The following CCSER1 variants were observed in gnomAD, a reference collection of about 807,000 sequenced individuals.
CCSER1 encodes the protein serine-rich coiled-coil domain-containing protein 1.
A neutral mutation model predicts 82.0 loss-of-function variants in CCSER1; 41 were observed. That is an observed-to-expected ratio of 0.50 (90% CI 0.39 to 0.65). The LOEUF (loss-of-function observed/expected upper bound fraction) is 0.65. Among genes scored for constraint, CCSER1 ranks in the 30% least tolerant of loss-of-function variants. The pLI, the probability that CCSER1 is intolerant of heterozygous loss-of-function variation, is 0.00. For synonymous variants in CCSER1, 414 were observed against 383.9 expected (o/e 1.08, Z -0.92); for missense variants, 1,119 against 1,064.2 (o/e 1.05, Z -0.72).
chr4:91,517,745 C>CGTGTGT lies in CCSER1; in HGVS notation c.2218-80792_2218-80787dup, dbSNP rs71579530. ...TACGCTGGTTCTTTCAGTTCTTTCTCGTGTGTGTGTGTGTGTGTGTGTGTG... is the reference window on the plus strand; with the variant it reads ...TACGCTGGTTCTTTCAGTTCTTTCTCGTGTGTGTGTGTGTGTGTGTGTGTGTGTGTG... On this transcript the variant is annotated intron_variant, in intron 10 of 10. Coordinates refer to ENST00000509176, the MANE Select transcript of CCSER1 (RefSeq NM_001145065.2). 3.7e-3 allele frequency among the ~76,000 whole-genome samples: 449 copies of CGTGTGT among 121,150 alleles called. 3 individuals carry two copies. Among genetic ancestry groups the CGTGTGT allele is most frequent in the Admixed American group, 6.2e-3 (76 of 12,318 alleles). 79.5% of individuals were successfully genotyped at this position (121,150 alleles called of 152,430 possible).
rs1389511422 is a variant in CCSER1, at chr4:90,402,445, T to C, written c.1603+2316T>C. ...CTTTTTATAGAGATAAATGTGGTGG[T>C]ACCAATATCGTATATAGGCTTTGCT... On this transcript the variant is annotated intron_variant, in intron 4 of 10. Coordinates refer to ENST00000509176, the MANE Select transcript of CCSER1 (RefSeq NM_001145065.2). Among the ~76,000 whole-genome samples, 14 of 152,330 alleles carry C rather than the reference T, an allele frequency of 9.2e-5. No individual in the cohort carries two copies. The East Asian group carries it at 2.3e-3, about 25-fold the overall frequency.
chr4:91,568,478 G>GTAGA (rs1763003750), intron 10 of CCSER1, among the ~76,000 whole-genome samples: 1 of 152,032 alleles, frequency 6.6e-6, no homozygotes, highest in Non-Finnish European at 1.5e-5. Flanking sequence ...TCCTTTCTGG[G>GTAGA]AAGCCAGTGA....
intron 8 of CCSER1, among the ~76,000 whole-genome samples, chr4:90,860,131 TA>T (rs1224508084): frequency 6.6e-6 from 1 of 151,664 alleles, no homozygotes; most frequent in East Asian, 1.9e-4. Context: ...CCAGAATACA[TA>T]AAAAATTTGT....
chr4:90,533,010 G>T (rs1037936995), intron 5 of CCSER1, among the ~76,000 whole-genome samples: 2 of 151,574 alleles, frequency 1.3e-5, no homozygotes, highest in South Asian at 2.1e-4. Context: ...CAGGGTTGAG[G>T]GTCTCCTATT....
chr4:91,174,822 CTT>C (rs61059675), intron 10 of CCSER1, among the ~76,000 whole-genome samples: 76,348 of 146,470 alleles, frequency 0.52, 19,845 homozygotes, highest in East Asian at 0.69. Flanking sequence ...TTTTTCTTTT[CTT>C]TTTTTTTTTT....
intron 9 of CCSER1, among the ~76,000 whole-genome samples, chr4:91,073,254 A>G (rs1356667026): frequency 6.6e-6 from 1 of 152,120 alleles, no homozygotes; most frequent in Non-Finnish European, 1.5e-5. Context: ...ATTTTCAAAC[A>G]TGTGCTTTAG....
Position 91,599,111 on chromosome 4 carries a change from G to C in CCSER1, c.*54G>C, listed in dbSNP as rs1420687277. ...AGGATAAAGATGGTTAGTGTTTCTC[G>C]TGCATAGTTCATATTAAAATTGTCA... On this transcript the variant is annotated 3_prime_UTR_variant, in exon 11 of 11. Coordinates refer to ENST00000509176, the MANE Select transcript of CCSER1 (RefSeq NM_001145065.2). 2.8e-6 allele frequency: 4 copies of C among 1,448,546 alleles called. No individual in the cohort carries two copies. Among genetic ancestry groups the C allele is most frequent in the East Asian group, 2.5e-5 (1 of 39,994 alleles). 89.7% of individuals were successfully genotyped at this position (1,448,546 alleles called of 1,614,324 possible).
Position 91,269,914 on chromosome 4 carries a change from A to G in CCSER1, c.2217+183920A>G, listed in dbSNP as rs1446770059. On this transcript the variant is annotated intron_variant, in intron 10 of 10. Coordinates refer to ENST00000509176, the MANE Select transcript of CCSER1 (RefSeq NM_001145065.2). ...CTGCAATTCTGAGATCCAAAACACAAATAAGCAAACCAAATCCCCTGATAA... is the reference window on the plus strand; with the variant it reads ...CTGCAATTCTGAGATCCAAAACACAGATAAGCAAACCAAATCCCCTGATAA... 2.0e-5 allele frequency among the ~76,000 whole-genome samples: 3 copies of G among 152,178 alleles called. No individual in the cohort carries two copies. In the East Asian group the frequency reaches 5.8e-4, roughly 29 times the overall value.
intron 4 of CCSER1, among the ~76,000 whole-genome samples, chr4:90,447,132 A>G (rs1005747534): frequency 6.6e-6 from 1 of 152,202 alleles, no homozygotes; most frequent in African/African-American, 2.4e-5. Flanking sequence ...CACGTTGTCC[A>G]AGAGTTAACA....
chr4:91,497,173 C>T (rs1396601998), intron 10 of CCSER1, among the ~76,000 whole-genome samples: 1 of 151,356 alleles, frequency 6.6e-6, no homozygotes, highest in African/African-American at 2.4e-5. Context: ...TTCTTAACCC[C>T]TTTGAGGCCT....
chr4:91,327,581 G>A (rs927043763), intron 10 of CCSER1, among the ~76,000 whole-genome samples: 13 of 152,180 alleles, frequency 8.5e-5, no homozygotes, highest in Admixed American at 2.0e-4. Flanking sequence ...CATTGTCTTG[G>A]CTTTTAACAT....
At position 90,140,320 on chromosome 4, in the gene CCSER1, T is replaced by A. The variant is rs897119806; in HGVS notation, c.-42+12489T>A. Among the ~76,000 whole-genome samples the A allele has an allele frequency of 2.0e-5, 3 of 152,286 alleles. No homozygotes were observed. In the East Asian group the frequency reaches 5.8e-4, roughly 29 times the overall value. On this transcript the variant is annotated intron_variant, in intron 1 of 10. Transcript: ENST00000509176. ...CTGAATCATTTGTGTTGTGTAAATA[T>A]AGCCCTAGGAATCCTCAGTACTCAC...
intron 10 of CCSER1, among the ~76,000 whole-genome samples, chr4:91,396,728 C>A (rs555643794): frequency 6.6e-6 from 1 of 151,898 alleles, no homozygotes; most frequent in Non-Finnish European, 1.5e-5. Flanking sequence ...TTTTCAAGTG[C>A]GCCAAGGGAA....
At position 90,823,559 on chromosome 4, in the gene CCSER1, G is replaced by A. The variant is rs554798869; in HGVS notation, c.2094+7714G>A. On this transcript the variant is annotated intron_variant, in intron 8 of 10. Transcript: ENST00000509176. ...GTAAAGACAAAGACATGGAACTTGA[G>A]ATACTTAAATTATATCAGTTAATAG... Among the ~76,000 whole-genome samples the A allele has an allele frequency of 2.6e-5, 4 of 152,128 alleles. No individual in the cohort carries two copies. The South Asian group carries it at 8.3e-4, about 32-fold the overall frequency.
Position 90,883,933 on chromosome 4 carries a change from T to C in CCSER1, c.2095-39437T>C, listed in dbSNP as rs184659583. On this transcript the variant is annotated intron_variant, in intron 8 of 10. Transcript: ENST00000509176. Reference sequence around the variant, plus strand: ...GTTGAAGAGCTAAAATCATCAGAGATTGGTGACTAATTAGAGAGGGATGCA... The same window carrying C: ...GTTGAAGAGCTAAAATCATCAGAGACTGGTGACTAATTAGAGAGGGATGCA... Among the ~76,000 whole-genome samples, 6 of 152,186 alleles carry C rather than the reference T, an allele frequency of 3.9e-5. No homozygotes were observed. The East Asian group carries it at 9.7e-4, about 25-fold the overall frequency.
At chr4:91,173,279 A>T (rs987931224) in intron 10 of CCSER1, among the ~76,000 whole-genome samples, 5 of 152,136 alleles carry the variant, frequency 3.3e-5, no homozygotes, top group African/African-American at 1.2e-4. Flanking sequence ...GTAAAGGAAA[A>T]ATTCAGAAAG....
intron 3 of CCSER1, among the ~76,000 whole-genome samples, chr4:90,341,153 AT>A (rs1374475980): frequency 6.6e-6 from 1 of 152,108 alleles, no homozygotes; most frequent in Non-Finnish European, 1.5e-5. Flanking sequence ...AAATCACTCC[AT>A]TTAGAAGATC....
Position 91,033,585 on chromosome 4 carries a change from C to G in CCSER1, c.2173-52365C>G, listed in dbSNP as rs1034414641. ...ACCTCATTCTACTTTTTATCTTGTT[C>G]ATTTTAAGCCCTGCTCCCAGTTTTC... On this transcript the variant is annotated intron_variant, in intron 9 of 10. Transcript: ENST00000509176. 2.0e-5 allele frequency among the ~76,000 whole-genome samples: 3 copies of G among 152,086 alleles called. No homozygotes were observed. The East Asian group carries it at 5.8e-4, about 29-fold the overall frequency.
chr4:90,514,642 G>A (rs921233793), intron 5 of CCSER1, among the ~76,000 whole-genome samples: 2 of 152,084 alleles, frequency 1.3e-5, no homozygotes, highest in Non-Finnish European at 2.9e-5. Flanking sequence ...GGTAATCTCT[G>A]CTGTTTGGGA....
Sources: gnomAD v4.1 joint callset for allele counts (sites outside exome capture counted in the v4.1 genomes callset) on GRCh38, gnomAD v4.1.1 for gene constraint, MANE v1.5 for transcripts, NCBI Gene and HGNC (gene_info 2026-07-23, HGNC 2026-07-21) for gene names.